Variants in PPP2R2C observed in about 807,000 individuals in gnomAD.
The protein encoded by PPP2R2C is protein phosphatase 2, regulatory subunit B, gamma.
A neutral mutation model predicts 45.3 loss-of-function variants in PPP2R2C; 10 were observed. That is an observed-to-expected ratio of 0.22 (90% CI 0.14 to 0.37). The LOEUF is 0.37. PPP2R2C is among the 10% of genes least tolerant of loss of function. The probability of loss-of-function intolerance (pLI) is 1.00; values close to 1 mark genes in which losing one functional copy is unlikely to be tolerated. For synonymous variants in PPP2R2C, 257 were observed against 245.4 expected, an observed-to-expected ratio of 1.05 and a Z score of -0.44; for missense variants, 308 against 619.7, an observed-to-expected ratio of 0.50 and a Z score of 5.34.
At chr4:6,349,838 C>A in intron 5 of PPP2R2C, 1 of 954,804 alleles carries the variant, frequency 1.0e-6, no homozygotes, top group South Asian at 4.9e-5. Flanking sequence ...TTGCAGTTAG[C>A]CGAGATCGCA....
intron 1 of PPP2R2C, among the ~76,000 whole-genome samples, chr4:6,418,034 G>A (rs927511665): frequency 1.3e-5 from 2 of 152,172 alleles, no homozygotes; most frequent in Non-Finnish European, 2.9e-5. Flanking sequence ...ACTGGGTTGG[G>A]GTCCTCATTC....
intron 5 of PPP2R2C, chr4:6,350,362 A>G: frequency 1.0e-6 from 1 of 985,464 alleles, no homozygotes; most frequent in Non-Finnish European, 1.2e-6. Context: ...AAGTGCGGCC[A>G]CTGATGAAAT....
chr4:6,470,578 C>T (rs1424553351), intron 1 of PPP2R2C, among the ~76,000 whole-genome samples: 1 of 152,212 alleles, frequency 6.6e-6, no homozygotes, highest in Non-Finnish European at 1.5e-5. Context: ...GCGGGGCAAC[C>T]TGCCAAGATC....
At chr4:6,434,377 G>T (rs1185244367) in intron 1 of PPP2R2C, among the ~76,000 whole-genome samples, 1 of 21,250 alleles carries the variant, frequency 4.7e-5, no homozygotes, top group African/African-American at 1.8e-4. Context: ...TTTTTTTTTG[G>T]AGACAGAGTC....
chr4:6,535,433 C>T (rs887606709), intron 1 of PPP2R2C: 102 of 1,163,684 alleles, frequency 8.8e-5, no homozygotes, highest in Non-Finnish European at 1.2e-4. Flanking sequence ...GGTGCATGCA[C>T]GCCGCCACAC....
At chr4:6,398,818 TA>T (rs1717226219) in intron 1 of PPP2R2C, among the ~76,000 whole-genome samples, 2 of 152,206 alleles carry the variant, frequency 1.3e-5, no homozygotes, top group Admixed American at 1.3e-4. Context: ...TTCTGCACAG[TA>T]GCTCAGAATT....
At chr4:6,479,573 T>C (rs756683594) in intron 2 of PPP2R2C, among the ~76,000 whole-genome samples, 1 of 152,206 alleles carries the variant, frequency 6.6e-6, no homozygotes, top group Non-Finnish European at 1.5e-5. Flanking sequence ...TTTCTGCCCC[T>C]GCACGAGTAA....
chr4:6,414,089 T>G, intron 1 of PPP2R2C: 3 of 1,186,696 alleles, frequency 2.5e-6, no homozygotes, highest in Non-Finnish European at 3.4e-6. Context: ...TGTGTGTGTG[T>G]GTGTGTGTGT....
At chr4:6,340,175 A>T (rs1176819067) in intron 6 of PPP2R2C, among the ~76,000 whole-genome samples, 1 of 152,080 alleles carries the variant, frequency 6.6e-6, no homozygotes, top group African/African-American at 2.4e-5. Context: ...AAAAAACTCA[A>T]GCCCAGCTGT....
intron 1 of PPP2R2C, among the ~76,000 whole-genome samples, chr4:6,461,635 C>T (rs1210331333): frequency 6.6e-6 from 1 of 152,200 alleles, no homozygotes; most frequent in Non-Finnish European, 1.5e-5. Flanking sequence ...CAACTGGGAT[C>T]ATCCACAATG....
intron 2 of PPP2R2C, among the ~76,000 whole-genome samples, chr4:6,534,161 AAC>A (rs1205612706): frequency 2.0e-5 from 3 of 149,466 alleles, no homozygotes; most frequent in Non-Finnish European, 4.5e-5. Context: ...TACACACACC[AAC>A]ACACACACAT....
chr4:6,425,829 G>A (rs761381860), intron 1 of PPP2R2C, among the ~76,000 whole-genome samples: 41 of 151,932 alleles, frequency 2.7e-4, no homozygotes, highest in Middle Eastern at 3.4e-3. Context: ...GTGTGTGTGT[G>A]TGTGTGTGGT....
At chr4:6,414,534 C>G (rs1436159122) in intron 1 of PPP2R2C, among the ~76,000 whole-genome samples, 6 of 152,064 alleles carry the variant, frequency 3.9e-5, no homozygotes, top group African/African-American at 1.4e-4. Context: ...ACTGGTCACT[C>G]AGGACAGCAC....
At chr4:6,374,877 G>C (rs1400671125) in intron 4 of PPP2R2C, among the ~76,000 whole-genome samples, 1 of 152,238 alleles carries the variant, frequency 6.6e-6, no homozygotes, top group African/African-American at 2.4e-5. Context: ...GGTTGGCGTG[G>C]CGTGGGTGAA....
chr4:6,547,902 A>G (rs568222340), intron 1 of PPP2R2C, among the ~76,000 whole-genome samples: 1 of 152,342 alleles, frequency 6.6e-6, no homozygotes, highest in Admixed American at 6.5e-5. Context: ...AACATTTTTA[A>G]CCATGGGGGA....
chr4:6,515,568 A>G (rs574829230), intron 2 of PPP2R2C, among the ~76,000 whole-genome samples: 2 of 152,378 alleles, frequency 1.3e-5, no homozygotes, highest in African/African-American at 4.8e-5. Context: ...CATGCAGACT[A>G]AATGAGTGAG....
intron 7 of PPP2R2C, 108 bp downstream of exon 7, chr4:6,333,454 C>T: frequency 7.8e-7 from 1 of 1,283,678 alleles, no homozygotes; most frequent in Non-Finnish European, 1.1e-6. Flanking sequence ...TCTTCACCTA[C>T]ATACCGGGCA....
intron 1 of PPP2R2C, among the ~76,000 whole-genome samples, chr4:6,547,220 G>A (rs1235887137): frequency 6.6e-6 from 1 of 151,704 alleles, no homozygotes; most frequent in Non-Finnish European, 1.5e-5. Flanking sequence ...GTAAAATCAC[G>A]CCCTTACACT....
chr4:6,472,405 C>G lies in PPP2R2C; in HGVS notation c.-176G>C. 3.5e-6 allele frequency: 3 copies of G among 867,562 alleles called. No individual in the cohort carries two copies. The highest frequency in any genetic ancestry group is 4.1e-6 in the Non-Finnish European group (3 of 724,274). The allele number at this position is 867,562 out of a possible 1,614,324, so 53.7% of individuals were successfully genotyped here. On this transcript the variant is annotated 5_prime_UTR_variant, in exon 1 of 9. Coordinates refer to ENST00000382599, the MANE Select transcript of PPP2R2C (RefSeq NM_020416.4). ...ACGGGCGGGGGCGGCCGGGGGCGGG[C>G]GCCGCGGTCAAGCGAGCGCGCGGTG...
Sources: gnomAD v4.1 joint callset for allele counts (sites outside exome capture counted in the v4.1 genomes callset) on GRCh38, gnomAD v4.1.1 for gene constraint, MANE v1.5 for transcripts, NCBI Gene and HGNC (gene_info 2026-07-23, HGNC 2026-07-21) for gene names.